SNTB2: variants seen among roughly 807,000 people sequenced by gnomAD.
SNTB2 encodes the protein syntrophin beta 2.
In SNTB2, 34 loss-of-function variants were observed where a neutral mutation model predicts 46.2. The ratio of observed to expected loss-of-function variants is 0.74; its 90% confidence interval spans 0.56 to 0.98. The LOEUF (loss-of-function observed/expected upper bound fraction) is 0.98. Among genes scored for constraint, SNTB2 ranks in the 50% least tolerant of loss-of-function variants. The probability of loss-of-function intolerance (pLI) is 0.00; values close to 1 mark genes in which losing one functional copy is unlikely to be tolerated. For missense variants in SNTB2, 603 were observed against 731.4 expected (o/e 0.82, Z 2.02); for synonymous variants, 290 against 312.6 (o/e 0.93, Z 0.76).
At chr16:69,260,826 A>G (rs573683131) in intron 3 of SNTB2, among the ~76,000 whole-genome samples, 3 of 152,324 alleles carry the variant, frequency 2.0e-5, no homozygotes, top group African/African-American at 7.2e-5. Flanking sequence ...GGAAAAGTAT[A>G]AAATATACAA....
intron 2 of SNTB2, among the ~76,000 whole-genome samples, chr16:69,258,140 T>C (rs1281404729): frequency 6.6e-6 from 1 of 152,234 alleles, no homozygotes; most frequent in African/African-American, 2.4e-5. Flanking sequence ...ATAGTGCTTT[T>C]AGGCAGCAAA....
intron 1 of SNTB2, among the ~76,000 whole-genome samples, chr16:69,189,084 T>G (rs188784764): frequency 6.6e-6 from 1 of 152,304 alleles, no homozygotes; most frequent in African/African-American, 2.4e-5. Flanking sequence ...GGATTTTCAC[T>G]TTCTTATAAA....
intron 1 of SNTB2, among the ~76,000 whole-genome samples, chr16:69,209,674 A>G (rs1399976655): frequency 6.6e-6 from 1 of 152,180 alleles, no homozygotes; most frequent in Non-Finnish European, 1.5e-5. Context: ...TATATTTTAT[A>G]TGTTTTTAGT....
chr16:69,233,314 A>G (rs143629345), intron 1 of SNTB2, among the ~76,000 whole-genome samples: 58 of 152,306 alleles, frequency 3.8e-4, no homozygotes, highest in African/African-American at 1.3e-3. Flanking sequence ...GTGACTCTCC[A>G]CTGTTATCAC....
chr16:69,289,224 G>A (rs1046795459), intron 5 of SNTB2, among the ~76,000 whole-genome samples: 4 of 143,188 alleles, frequency 2.8e-5, no homozygotes, highest in Admixed American at 2.2e-4. Context: ...AGCCAAGATC[G>A]CACCATTGCA....
intron 3 of SNTB2, among the ~76,000 whole-genome samples, chr16:69,268,175 T>C (rs1964904558): frequency 6.6e-6 from 1 of 152,106 alleles, no homozygotes; most frequent in Middle Eastern, 3.2e-3. Context: ...ACTTCTAAAA[T>C]ACAATGGGCC....
chr16:69,188,424 G>T (rs898062185), intron 1 of SNTB2, among the ~76,000 whole-genome samples: 1 of 152,192 alleles, frequency 6.6e-6, no homozygotes, highest in Non-Finnish European at 1.5e-5. Flanking sequence ...CAGGCGCGCT[G>T]CTTCAAGACT....
chr16:69,227,907 G>A (rs2152294515), intron 1 of SNTB2, among the ~76,000 whole-genome samples: 1 of 148,014 alleles, frequency 6.8e-6, no homozygotes, highest in South Asian at 2.2e-4. Flanking sequence ...ACCCAGGCTG[G>A]AGTTCAGTGG....
intron 2 of SNTB2, among the ~76,000 whole-genome samples, chr16:69,253,220 T>C (rs1233082610): frequency 6.6e-6 from 1 of 151,978 alleles, no homozygotes; most frequent in Non-Finnish European, 1.5e-5. Flanking sequence ...TTTTAATGGT[T>C]TCTTCAAAGG....
At chr16:69,269,797 G>A (rs917314074) in intron 3 of SNTB2, among the ~76,000 whole-genome samples, 1 of 151,792 alleles carries the variant, frequency 6.6e-6, no homozygotes, top group Non-Finnish European at 1.5e-5. Context: ...GACAATATTG[G>A]CCAGACGTGT....
chr16:69,219,186 A>G (rs534811412), intron 1 of SNTB2, among the ~76,000 whole-genome samples: 2 of 152,330 alleles, frequency 1.3e-5, no homozygotes, highest in East Asian at 3.9e-4. Flanking sequence ...CTGGTTCAGG[A>G]ACTTTTCATT....
chr16:69,223,821 G>A (rs924356002), intron 1 of SNTB2, among the ~76,000 whole-genome samples: 4 of 152,036 alleles, frequency 2.6e-5, no homozygotes, highest in Admixed American at 2.0e-4. Flanking sequence ...TTGTAGAGAC[G>A]GGGTTTCACT....
chr16:69,298,194 C>G (rs1305713947), intron 5 of SNTB2, among the ~76,000 whole-genome samples: 1 of 152,164 alleles, frequency 6.6e-6, no homozygotes, highest in Non-Finnish European at 1.5e-5. Context: ...TGCCTCCTGC[C>G]TTAGCCTCCC....
chr16:69,206,192 T>A (rs904187283), intron 1 of SNTB2, among the ~76,000 whole-genome samples: 1 of 151,912 alleles, frequency 6.6e-6, no homozygotes, highest in Admixed American at 6.6e-5. Flanking sequence ...AGAGACAGGG[T>A]TCTCACTATG....
rs1231565014 is a variant in SNTB2, at chr16:69,302,523, GA to G, written c.*1603del. The G allele has an allele frequency of 6.6e-6, 1 of 152,224 alleles. No individual in the cohort carries two copies. Among genetic ancestry groups the G allele is most frequent in the Admixed American group, 6.5e-5 (1 of 15,272 alleles). The allele number at this position is 152,224 out of a possible 1,614,324, so 9.4% of individuals were successfully genotyped here. On this transcript the variant is annotated 3_prime_UTR_variant, in exon 7 of 7. Transcript: ENST00000336278. ...TTCAGATGGGGCAGGCACAGGGGGA[GA>G]AAAGAAGAGAAAAACACACCTGTGT...
At chr16:69,235,385 A>G (rs910809938) in intron 1 of SNTB2, among the ~76,000 whole-genome samples, 3 of 152,172 alleles carry the variant, frequency 2.0e-5, no homozygotes, top group South Asian at 2.1e-4. Flanking sequence ...CAAAACCCCT[A>G]TAGTGTGTAT....
chr16:69,294,122 A>G (rs966400451), intron 5 of SNTB2, among the ~76,000 whole-genome samples: 6 of 152,066 alleles, frequency 3.9e-5, no homozygotes, highest in Non-Finnish European at 7.4e-5. Flanking sequence ...GGCTGAAGCA[A>G]TCCTCCCACC....
chr16:69,222,843 G>A (rs1231664225), intron 1 of SNTB2, among the ~76,000 whole-genome samples: 4 of 151,948 alleles, frequency 2.6e-5, no homozygotes, highest in African/African-American at 9.7e-5. Flanking sequence ...GTGCAGTGGT[G>A]CGAACTTGGC....
At chr16:69,216,075 C>G (rs771272452) in intron 1 of SNTB2, among the ~76,000 whole-genome samples, 1 of 152,176 alleles carries the variant, frequency 6.6e-6, no homozygotes, top group Non-Finnish European at 1.5e-5. Context: ...CTCGGCCTCA[C>G]AAAATACAGG....
Sources: gnomAD v4.1 joint callset for allele counts (sites outside exome capture counted in the v4.1 genomes callset) on GRCh38, gnomAD v4.1.1 for gene constraint, MANE v1.5 for transcripts, NCBI Gene and HGNC (gene_info 2026-07-23, HGNC 2026-07-21) for gene names.